The following MS4A12 variants were observed in gnomAD, a reference collection of about 807,000 sequenced individuals.
The protein encoded by MS4A12 is membrane-spanning 4-domains subfamily A member 12.
Under a neutral mutation model 23.7 loss-of-function variants are expected in MS4A12, and 28 were observed. That is an observed-to-expected ratio of 1.18 (90% CI 0.88 to 1.62). The LOEUF is 1.62. Ranked by LOEUF, MS4A12 falls within the 40% of genes most tolerant of loss-of-function variation. The pLI is 0.00. For synonymous variants in MS4A12, 108 were observed against 110.1 expected, an observed-to-expected ratio of 0.98 and a Z score of 0.12; for missense variants, 342 against 327.0, an observed-to-expected ratio of 1.05 and a Z score of -0.35.
At chr11:60,493,443 A>C (rs1273377299) in intron 1 of MS4A12, among the ~76,000 whole-genome samples, 3 of 152,088 alleles carry the variant, frequency 2.0e-5, no homozygotes, top group African/African-American at 7.2e-5. Flanking sequence ...ATGCCATTCC[A>C]TGAACATGGG....
chr11:60,495,173 T>G lies in MS4A12; in HGVS notation c.-6-2140T>G, dbSNP rs1460587760. On this transcript the variant is annotated intron_variant, in intron 1 of 6. Transcript: ENST00000016913. The stretch of plus-strand genomic sequence containing the variant: ...ACACCCGGCTAATTTTTTTTTTTTT[T>G]TTGTATTTTTAGTAGAGACGGGGTT... Among the ~76,000 whole-genome samples the G allele has an allele frequency of 1.5e-4, 23 of 151,760 alleles. No individual in the cohort carries two copies. In the South Asian group the frequency reaches 4.6e-3, roughly 30 times the overall value.
chr11:60,507,173 CA>C lies in MS4A12; in HGVS notation c.*54del, dbSNP rs1175201968. On this transcript the variant is annotated 3_prime_UTR_variant, in exon 7 of 7. Coordinates refer to ENST00000016913, the MANE Select transcript of MS4A12 (RefSeq NM_017716.3). The stretch of plus-strand genomic sequence containing the variant: ...TAATCTCATGGAGAAAAACTACTTG[CA>C]AAAACTTCTTAAGAAGATGTCTTTT... The C allele has an allele frequency of 7.2e-7, 1 of 1,392,010 alleles. No homozygotes were observed. Among genetic ancestry groups the C allele is most frequent in the Non-Finnish European group, 1.0e-6 (1 of 984,650 alleles). 86.2% of individuals were successfully genotyped at this position (1,392,010 alleles called of 1,614,324 possible).
At position 60,501,093 on chromosome 11, in the gene MS4A12, T is replaced by C. The variant is rs1436511664; in HGVS notation, c.325T>C (p.Leu109=). 2.5e-6 allele frequency: 4 copies of C among 1,613,196 alleles called. No homozygotes were observed. In the Admixed American group the frequency reaches 6.7e-5, roughly 27 times the overall value. Residue 109 remains leucine (L), a synonymous_variant, in exon 3 of 7, where the codon TTG becomes CTG. Transcript: ENST00000016913. Reference sequence around the variant, plus strand: ...GATGCACATTGGTTTTGGAATTGTTTTGTGTTTAATATCCTTCTCTTTTAG... The same window carrying C: ...GATGCACATTGGTTTTGGAATTGTTCTGTGTTTAATATCCTTCTCTTTTAG... ...GLMHIGFGIV[L]CLISFSFREV... is the part of the protein sequence containing the mutation.
chr11:60,499,146 T>A (rs964540352), intron 2 of MS4A12, among the ~76,000 whole-genome samples: 2 of 150,818 alleles, frequency 1.3e-5, no homozygotes, highest in Non-Finnish European at 3.0e-5. Context: ...TCTGAAGATT[T>A]GTTATTTCTA....
At chr11:60,494,247 T>C (rs1467140083) in intron 1 of MS4A12, among the ~76,000 whole-genome samples, 2 of 152,170 alleles carry the variant, frequency 1.3e-5, no homozygotes, top group Non-Finnish European at 2.9e-5. Context: ...CCATGAATAA[T>C]CTGGGTTCTA....
intron 2 of MS4A12, among the ~76,000 whole-genome samples, chr11:60,498,270 T>C (rs1287885311): frequency 1.3e-5 from 2 of 152,208 alleles, no homozygotes; most frequent in Admixed American, 6.5e-5. Context: ...CACCAAATTA[T>C]ATTAAGTCTC....
chr11:60,506,776 G>C lies in MS4A12; in HGVS notation c.637G>C (p.Glu213Gln). Residue 213 changes from glutamate to glutamine, a missense_variant, in exon 6 of 7, where the codon GAG (glutamate) becomes CAG (glutamine). By Grantham distance (29) the Glu-to-Gln change is conservative. Coordinates refer to ENST00000016913, the MANE Select transcript of MS4A12 (RefSeq NM_017716.3). ...SATLMIFSLLEFFVACATAHF... is the reference protein window; with the variant it reads ...SATLMIFSLLQFFVACATAHF... ...CACGCTGATGATCTTCTCCCTCTTG[G>C]AGTTCTTCGTAGCTTGTGCCACAGC... The C allele has an allele frequency of 6.2e-7, 1 of 1,614,124 alleles. No individual in the cohort carries two copies. Among genetic ancestry groups the C allele is most frequent in the Non-Finnish European group, 8.5e-7 (1 of 1,180,004 alleles).
intron 2 of MS4A12, among the ~76,000 whole-genome samples, chr11:60,500,236 G>A (rs2086520094): frequency 7.1e-6 from 1 of 140,998 alleles, no homozygotes; most frequent in Non-Finnish European, 1.5e-5. Context: ...GCAAGACTCT[G>A]TCTCAAAAAA....
Position 60,503,773 on chromosome 11 carries a change from GATAT to G in MS4A12, c.545_548del (p.Asp182GlyfsTer6). 6.2e-7 allele frequency: 1 copy of G among 1,613,914 alleles called. No individual in the cohort carries two copies. Among genetic ancestry groups the G allele is most frequent in the Non-Finnish European group, 8.5e-7 (1 of 1,179,882 alleles). On this transcript the variant is annotated frameshift_variant, in exon 5 of 7. Coordinates refer to ENST00000016913, the MANE Select transcript of MS4A12 (RefSeq NM_017716.3). LOFTEE classifies it high-confidence loss of function. ...CATTGGAGTGATTCTGCTGCTGGTG[GATAT>G]GTGCATCAATGGGGTAGCTGGCCAA...
rs1173577778 is a variant in MS4A12 at position 60,507,184 on chromosome 11, TAAG to T, written c.*65_*67del. 4 of 1,290,488 alleles carry T rather than the reference TAAG, an allele frequency of 3.1e-6. No individual in the cohort carries two copies. The highest frequency in any genetic ancestry group is 1.2e-5 in the South Asian group (1 of 82,364). 79.9% of individuals were successfully genotyped at this position (1,290,488 alleles called of 1,614,324 possible). On this transcript the variant is annotated 3_prime_UTR_variant, in exon 7 of 7. Transcript: ENST00000016913. ...AGAAAAACTACTTGCAAAAACTTCT[TAAG>T]AAGATGTCTTTTATTGTCTACAATG...
At chr11:60,504,226 G>A (rs2086553686) in intron 5 of MS4A12, among the ~76,000 whole-genome samples, 1 of 152,194 alleles carries the variant, frequency 6.6e-6, no homozygotes, top group Admixed American at 6.5e-5. Context: ...AAGAACATCT[G>A]ATTTTTACAG....
chr11:60,502,054 C>G lies in MS4A12; in HGVS notation c.471+15C>G, dbSNP rs2086534433. On this transcript the variant is annotated intron_variant, in intron 4 of 6. Coordinates refer to ENST00000016913, the MANE Select transcript of MS4A12 (RefSeq NM_017716.3). The stretch of plus-strand genomic sequence containing the variant: ...CCCGTTGTCTGGTAAGTTAGACTGT[C>G]TCTACTTTTTGAACCCCTTTAAAGA... The G allele has an allele frequency of 1.9e-6, 3 of 1,601,378 alleles. No homozygotes were observed. In the Admixed American group the frequency reaches 5.0e-5, roughly 27 times the overall value.
chr11:60,506,343 T>C (rs2086569455), intron 5 of MS4A12, among the ~76,000 whole-genome samples: 1 of 152,186 alleles, frequency 6.6e-6, no homozygotes, highest in South Asian at 2.1e-4. Context: ...GCTAGGATAA[T>C]AGTCATCAAA....
Position 60,497,471 on chromosome 11 carries a change from C to A in MS4A12, c.153C>A (p.Pro51=). 1 of 1,614,144 alleles carries A rather than the reference C, an allele frequency of 6.2e-7. No individual in the cohort carries two copies. The highest frequency in any genetic ancestry group is 8.5e-7 in the Non-Finnish European group (1 of 1,180,032). ...CTCAGGGTGCTCAGCGTGCTCAGCC[C>A]TACGGCATCACATCTCCGGGAATCT... is the stretch of plus-strand genomic sequence containing the variant. ...NQAQGAQRAQ[P]YGITSPGIFA... is the part of the protein sequence containing the mutation. The change falls in exon 2 of 7, where the codon CCC becomes CCA. Residue 51 remains proline (P), a synonymous_variant. Coordinates refer to ENST00000016913, the MANE Select transcript of MS4A12 (RefSeq NM_017716.3).
At chr11:60,497,632 T>C in intron 2 of MS4A12, 38 bp downstream of exon 2, 3 of 1,599,482 alleles carry the variant, frequency 1.9e-6, no homozygotes, top group Non-Finnish European at 2.6e-6. Context: ...ATTTCACATT[T>C]GCAAGGTCTT....
chr11:60,497,251 A>T, intron 1 of MS4A12, 62 bp from the exon 2 acceptor site: 2 of 1,493,760 alleles, frequency 1.3e-6, no homozygotes, highest in Non-Finnish European at 1.8e-6. Context: ...ACATTTGGTA[A>T]GATTTTCTTT....
intron 1 of MS4A12, among the ~76,000 whole-genome samples, chr11:60,495,257 C>A (rs1190154863): frequency 4.0e-5 from 6 of 151,632 alleles, no homozygotes; most frequent in Non-Finnish European, 8.8e-5. Context: ...CCGCCTCGGC[C>A]TCCTAAAGTG....
intron 1 of MS4A12, among the ~76,000 whole-genome samples, chr11:60,494,976 G>A (rs560800918): frequency 7.1e-4 from 106 of 149,684 alleles, no homozygotes; most frequent in Middle Eastern, 3.4e-3. Flanking sequence ...ATAAACTTTT[G>A]TGGGCTCAAA....
At chr11:60,501,887 T>C in intron 3 of MS4A12, 96 bp from the exon 4 acceptor site, 1 of 1,118,036 alleles carries the variant, frequency 8.9e-7, no homozygotes. Context: ...AGAAGGAAAC[T>C]AGATGAACAT....
Sources: gnomAD v4.1 joint callset for allele counts (sites outside exome capture counted in the v4.1 genomes callset) on GRCh38, gnomAD v4.1.1 for gene constraint, MANE v1.5 for transcripts, NCBI Gene and HGNC (gene_info 2026-07-23, HGNC 2026-07-21) for gene names.